QRICH1: variants seen among roughly 807,000 people sequenced by gnomAD.
QRICH1 encodes the protein transcriptional regulator QRICH1.
A neutral mutation model predicts 87.1 loss-of-function variants in QRICH1; 16 were observed. The observed-to-expected ratio is 0.18, with a 90% CI of 0.12 to 0.28. The LOEUF (loss-of-function observed/expected upper bound fraction) is 0.28. Ranked by LOEUF, QRICH1 falls within the 10% of genes least tolerant of loss-of-function variation. The pLI is 1.00. For missense variants in QRICH1, 647 were observed against 951.7 expected, an observed-to-expected ratio of 0.68 and a Z score of 4.21; for synonymous variants, 367 against 368.4, an observed-to-expected ratio of 1.00 and a Z score of 0.05.
intron 7 of QRICH1, 166 bp from the exon 8 acceptor site, chr3:49,032,939 G>T: frequency 1.0e-6 from 1 of 976,442 alleles, no homozygotes; most frequent in Non-Finnish European, 1.5e-6. Context: ...AAGATGGATG[G>T]TAGGGGTCTG....
At chr3:49,081,472 C>T (rs2042058209) in intron 1 of QRICH1, among the ~76,000 whole-genome samples, 1 of 151,354 alleles carries the variant, frequency 6.6e-6, no homozygotes, top group Admixed American at 6.6e-5. Context: ...TATGTAAGAT[C>T]AGGAAATTAA....
In QRICH1 at chr3:49,057,041, GTGC is replaced by G; in HGVS notation, c.1156_1158del (p.Ala386del). 1 of 1,614,240 alleles carries G rather than the reference GTGC, an allele frequency of 6.2e-7. No individual in the cohort carries two copies. Reference sequence around the variant, plus strand: ...ATGTGGATGTTGCCATTCATGAACTGTGCTGGAAAGAGAGAGTTTGCAAGGGTC... The same window carrying G: ...ATGTGGATGTTGCCATTCATGAACTGTGGAAAGAGAGAGTTTGCAAGGGTC... On this transcript the variant is annotated inframe_deletion, in exon 3 of 10. Coordinates refer to ENST00000395443, the MANE Select transcript of QRICH1 (RefSeq NM_198880.3). The surrounding 1 kb of genome is among the most constrained non-coding windows in gnomAD (Gnocchi z 5.4).
At chr3:49,061,910 C>A (rs1307278493) in intron 2 of QRICH1, among the ~76,000 whole-genome samples, 3 of 152,144 alleles carry the variant, frequency 2.0e-5, no homozygotes, top group Admixed American at 1.3e-4. Flanking sequence ...CCATATCATA[C>A]TAGCTGTGAA....
At chr3:49,092,698 C>T (rs2042299708) in intron 1 of QRICH1, among the ~76,000 whole-genome samples, 2 of 152,130 alleles carry the variant, frequency 1.3e-5, no homozygotes, top group Middle Eastern at 3.4e-3. Context: ...CTAGAACAAA[C>T]CTAGAACTTC....
rs1338742200 is a variant in QRICH1 at position 49,087,956 on chromosome 3, A to AT, written c.-22+5955dup. 5.6e-3 allele frequency among the ~76,000 whole-genome samples: 772 copies of AT among 137,884 alleles called. 4 individuals carry two copies. Among genetic ancestry groups the AT allele is most frequent in the Non-Finnish European group, 7.4e-3 (466 of 63,254 alleles). 90.5% of individuals were successfully genotyped at this position (137,884 alleles called of 152,430 possible). On this transcript the variant is annotated intron_variant, in intron 1 of 9. Coordinates refer to ENST00000395443, the MANE Select transcript of QRICH1 (RefSeq NM_198880.3). The stretch of plus-strand genomic sequence containing the variant: ...TGAATATATTCATTTTATTTCATTT[A>AT]TTTTTTTTTTTTTGAGACAGAGTCT...
chr3:49,093,733 T>A, intron 1 of QRICH1, 179 bp downstream of exon 1: 1 of 275,254 alleles, frequency 3.6e-6, no homozygotes, highest in East Asian at 6.0e-5. Flanking sequence ...GGGCCACCCC[T>A]CCCCCATCCA....
At chr3:49,079,665 C>G (rs1198949107) in intron 1 of QRICH1, among the ~76,000 whole-genome samples, 1 of 152,108 alleles carries the variant, frequency 6.6e-6, no homozygotes. Context: ...CGAGAGCACT[C>G]ATTTGCCACA....
chr3:49,031,334 C>G lies in QRICH1; in HGVS notation c.2139-690G>C, dbSNP rs531252710. 3.3e-5 allele frequency among the ~76,000 whole-genome samples: 5 copies of G among 152,142 alleles called. No individual in the cohort carries two copies. The East Asian group carries it at 5.8e-4, about 18-fold the overall frequency. On this transcript the variant is annotated intron_variant, in intron 9 of 9. Coordinates refer to ENST00000395443, the MANE Select transcript of QRICH1 (RefSeq NM_198880.3). ...ATAATGATGGCCATTACAGTGGGGC[C>G]CTAAACTTGGGTTCACCCCCCTCCC...
intron 1 of QRICH1, among the ~76,000 whole-genome samples, chr3:49,090,181 C>G (rs1182947865): frequency 6.6e-6 from 1 of 152,142 alleles, no homozygotes; most frequent in Non-Finnish European, 1.5e-5. Context: ...AGACATCAGC[C>G]GGGCACAGTG....
intron 6 of QRICH1, among the ~76,000 whole-genome samples, chr3:49,042,702 A>G (rs186603087): frequency 1.3e-5 from 2 of 152,022 alleles, no homozygotes; most frequent in African/African-American, 2.4e-5. Flanking sequence ...CCTCCCGTGT[A>G]GCTGGGATTA....
At chr3:49,058,640 T>A (rs1460476810) in intron 2 of QRICH1, among the ~76,000 whole-genome samples, 2 of 151,878 alleles carry the variant, frequency 1.3e-5, no homozygotes, top group Admixed American at 1.3e-4. Flanking sequence ...TATTTCCATT[T>A]TCTTTGAGGC....
intron 2 of QRICH1, among the ~76,000 whole-genome samples, chr3:49,073,548 A>G (rs969802190): frequency 6.6e-6 from 1 of 152,066 alleles, no homozygotes; most frequent in Non-Finnish European, 1.5e-5. Context: ...TCGAAAAAAA[A>G]AAAAAGGAAA....
chr3:49,068,579 C>T (rs907938182), intron 2 of QRICH1, among the ~76,000 whole-genome samples: 1 of 151,310 alleles, frequency 6.6e-6, no homozygotes, highest in African/African-American at 2.4e-5. Flanking sequence ...GAGCCGTGAT[C>T]ATGCCACTGC....
chr3:49,041,177 C>A (rs933075797), intron 6 of QRICH1, among the ~76,000 whole-genome samples: 1 of 152,048 alleles, frequency 6.6e-6, no homozygotes, highest in African/African-American at 2.4e-5. Flanking sequence ...CCCATATTGG[C>A]CAGGCTGGTC....
At chr3:49,072,302 A>G (rs1196797050) in intron 2 of QRICH1, among the ~76,000 whole-genome samples, 1 of 152,042 alleles carries the variant, frequency 6.6e-6, no homozygotes, top group Non-Finnish European at 1.5e-5. Flanking sequence ...GTAAATAAAT[A>G]TAAAGATAAA....
rs147131112 is a variant in QRICH1, at chr3:49,056,749, C to T, written c.1338+113G>A. 4.0e-6 allele frequency: 6 copies of T among 1,505,500 alleles called. No individual in the cohort carries two copies. The South Asian group carries it at 5.9e-5, about 15-fold the overall frequency. 93.3% of individuals were successfully genotyped at this position (1,505,500 alleles called of 1,614,324 possible). On this transcript the variant is annotated intron_variant, in intron 3 of 9. Coordinates refer to ENST00000395443, the MANE Select transcript of QRICH1 (RefSeq NM_198880.3). ...CTCTTCTCCCAAATACTAAATACTG[C>T]ATCACTGTAAGAGTAACAGCAGTAA...
intron 2 of QRICH1, among the ~76,000 whole-genome samples, chr3:49,075,248 A>C (rs2041927923): frequency 6.6e-6 from 1 of 151,682 alleles, no homozygotes; most frequent in South Asian, 2.1e-4. Flanking sequence ...ATGATCGCTT[A>C]AGCCTTGGAG....
chr3:49,065,886 T>C (rs1316194603), intron 2 of QRICH1, among the ~76,000 whole-genome samples: 2 of 152,146 alleles, frequency 1.3e-5, no homozygotes, highest in African/African-American at 4.8e-5. Context: ...GGTTTCACCG[T>C]GTTAGCCAGG....
intron 2 of QRICH1, among the ~76,000 whole-genome samples, chr3:49,061,522 AACC>A (rs2093434709): frequency 6.6e-6 from 1 of 152,170 alleles, no homozygotes; most frequent in Non-Finnish European, 1.5e-5. Flanking sequence ...AAATTACCCT[AACC>A]ACAAGTAGGA....
Sources: allele counts gnomAD v4.1 joint callset (sites outside exome capture counted in the v4.1 genomes callset), GRCh38; gene constraint gnomAD v4.1.1; non-coding constraint Gnocchi (gnomAD v3.1); transcripts MANE v1.5; gene names NCBI Gene and HGNC (gene_info 2026-07-23, HGNC 2026-07-21).